The following LRRC4C variants were observed in gnomAD, a reference collection of about 807,000 sequenced individuals.
LRRC4C encodes leucine rich repeat containing 4C.
LRRC4C carries 5 observed loss-of-function variants against 33.6 expected under a neutral mutation model. That is an observed-to-expected ratio of 0.15 (90% CI 0.08 to 0.31). LRRC4C has a LOEUF of 0.31. Ranked by LOEUF, LRRC4C falls within the 10% of genes least tolerant of loss-of-function variation. LRRC4C has a pLI of 1.00. For synonymous variants in LRRC4C, 329 were observed against 302.0 expected (o/e 1.09, Z -0.93); for missense variants, 560 against 796.7 (o/e 0.70, Z 3.58).
chr11:41,016,698 T>C (rs1855605843), intron 1 of LRRC4C, among the ~76,000 whole-genome samples: 1 of 103,190 alleles, frequency 9.7e-6, no homozygotes, highest in Non-Finnish European at 2.3e-5. Flanking sequence ...TAATCATGAG[T>C]GAACACAGAG....
chr11:41,334,199 A>G (rs1951380628), intron 1 of LRRC4C, among the ~76,000 whole-genome samples: 1 of 152,204 alleles, frequency 6.6e-6, no homozygotes, highest in Non-Finnish European at 1.5e-5. Context: ...AGCATAGTAT[A>G]TATAGTTCTG....
intron 2 of LRRC4C, among the ~76,000 whole-genome samples, chr11:40,703,496 T>A (rs1302603248): frequency 6.6e-6 from 1 of 152,104 alleles, no homozygotes; most frequent in Middle Eastern, 3.2e-3. Context: ...GGAGGATCAC[T>A]TGAGCCCTGG....
intron 2 of LRRC4C, among the ~76,000 whole-genome samples, chr11:40,682,613 TA>T (rs1044051348): frequency 6.6e-6 from 1 of 151,928 alleles, no homozygotes. Flanking sequence ...CAATCTCTAC[TA>T]AAAATACAAA....
intron 5 of LRRC4C, among the ~76,000 whole-genome samples, chr11:40,204,469 A>C (rs1010553299): frequency 2.6e-5 from 4 of 152,092 alleles, no homozygotes; most frequent in Non-Finnish European, 4.4e-5. Context: ...ATCTTTTTAA[A>C]AGCCTCTTGT....
At chr11:40,642,223 A>G (rs189071665) in intron 3 of LRRC4C, among the ~76,000 whole-genome samples, 1,631 of 152,238 alleles carry the variant, frequency 0.011, 22 homozygotes, top group Middle Eastern at 0.024. Context: ...GTAAAGAATG[A>G]TGTTTGTCTT....
At chr11:40,476,593 C>T (rs536608034) in intron 3 of LRRC4C, among the ~76,000 whole-genome samples, 3 of 152,260 alleles carry the variant, frequency 2.0e-5, no homozygotes, top group Middle Eastern at 3.4e-3. Flanking sequence ...ATCCACCCGC[C>T]TCAGCCTCCC....
intron 1 of LRRC4C, among the ~76,000 whole-genome samples, chr11:41,147,156 T>A (rs1943762457): frequency 6.6e-6 from 1 of 152,208 alleles, no homozygotes; most frequent in Non-Finnish European, 1.5e-5. Context: ...ATATATTCTC[T>A]TTTTGGTATT....
chr11:40,169,027 A>G (rs925834921), intron 5 of LRRC4C, among the ~76,000 whole-genome samples: 1 of 152,096 alleles, frequency 6.6e-6, no homozygotes, highest in Non-Finnish European at 1.5e-5. Flanking sequence ...CTAACCCTTG[A>G]GTTTTATAAA....
At chr11:40,737,585 A>AC (rs570395736) in intron 2 of LRRC4C, among the ~76,000 whole-genome samples, 24 of 151,906 alleles carry the variant, frequency 1.6e-4, no homozygotes, top group Admixed American at 1.1e-3. Flanking sequence ...ATAAAAAAAA[A>AC]CAGAGAGCCA....
chr11:40,362,598 T>C (rs1948009169), intron 3 of LRRC4C, among the ~76,000 whole-genome samples: 1 of 152,092 alleles, frequency 6.6e-6, no homozygotes. Flanking sequence ...GGCACGACTG[T>C]AGTTCCAGCT....
At chr11:41,083,067 C>T (rs542328516) in intron 1 of LRRC4C, among the ~76,000 whole-genome samples, 1 of 151,978 alleles carries the variant, frequency 6.6e-6, no homozygotes, top group African/African-American at 2.4e-5. Flanking sequence ...TGTTAGGGCA[C>T]CTTTATTCAC....
At chr11:41,124,351 G>A (rs554557112) in intron 1 of LRRC4C, among the ~76,000 whole-genome samples, 7 of 152,216 alleles carry the variant, frequency 4.6e-5, no homozygotes, top group South Asian at 2.1e-4. Context: ...AACTTCTATC[G>A]TATCCCAAGT....
chr11:40,771,285 G>T (rs568865833), intron 2 of LRRC4C, among the ~76,000 whole-genome samples: 16 of 152,274 alleles, frequency 1.1e-4, no homozygotes, highest in Admixed American at 2.0e-4. Flanking sequence ...TGAAGCAATG[G>T]CCCAAGCTGT....
At chr11:41,250,158 G>C (rs1278161755) in intron 1 of LRRC4C, among the ~76,000 whole-genome samples, 1 of 152,146 alleles carries the variant, frequency 6.6e-6, no homozygotes, top group African/African-American at 2.4e-5. Context: ...AACAGAGCAA[G>C]ACTTCATCTC....
chr11:40,841,741 A>T (rs192938451), intron 2 of LRRC4C, among the ~76,000 whole-genome samples: 2 of 152,334 alleles, frequency 1.3e-5, no homozygotes, highest in Admixed American at 6.5e-5. Context: ...AGGCAATAAA[A>T]ATACTGGACA....
At chr11:40,315,455 T>C (rs1423861270) in intron 4 of LRRC4C, among the ~76,000 whole-genome samples, 1 of 151,904 alleles carries the variant, frequency 6.6e-6, no homozygotes, top group Non-Finnish European at 1.5e-5. Flanking sequence ...TATAAATGCC[T>C]AATATATGTA....
intron 1 of LRRC4C, among the ~76,000 whole-genome samples, chr11:41,051,761 C>T (rs879349406): frequency 6.6e-6 from 1 of 151,902 alleles, no homozygotes; most frequent in Non-Finnish European, 1.5e-5. Context: ...CAACCTTGTT[C>T]TTCTCTTTCA....
chr11:41,118,697 T>A (rs1436755198), intron 1 of LRRC4C, among the ~76,000 whole-genome samples: 1 of 152,168 alleles, frequency 6.6e-6, no homozygotes, highest in Non-Finnish European at 1.5e-5. Context: ...GTCTTCCACA[T>A]GCAGAACCTC....
At chr11:41,213,770 C>T (rs1946921650) in intron 1 of LRRC4C, among the ~76,000 whole-genome samples, 1 of 152,192 alleles carries the variant, frequency 6.6e-6, no homozygotes. Context: ...CTTTGAATTA[C>T]TCCAGGGCTA....
Sources: gnomAD v4.1 joint callset for allele counts (sites outside exome capture counted in the v4.1 genomes callset) on GRCh38, gnomAD v4.1.1 for gene constraint, MANE v1.5 for transcripts, NCBI Gene and HGNC (gene_info 2026-07-23, HGNC 2026-07-21) for gene names.